The following CTNNA3 variants were observed in gnomAD, a reference collection of about 807,000 sequenced individuals.
The protein encoded by CTNNA3 is catenin alpha-3.
Under a neutral mutation model 95.7 loss-of-function variants are expected in CTNNA3, and 76 were observed. The observed-to-expected ratio is 0.79, with a 90% CI of 0.66 to 0.96. The LOEUF (loss-of-function observed/expected upper bound fraction) is 0.96. CTNNA3 is among the 40% of genes least tolerant of loss of function. The probability of loss-of-function intolerance (pLI) is 0.00; values close to 1 mark genes in which losing one functional copy is unlikely to be tolerated. For missense variants in CTNNA3, 1,191 were observed against 1,089.8 expected (o/e 1.09, Z -1.31); for synonymous variants, 431 against 374.4 (o/e 1.15, Z -1.74).
At position 66,927,888 on chromosome 10, in the gene CTNNA3, A is replaced by T; in HGVS notation, c.1048-152364T>A. The T allele has an allele frequency of 3.1e-6, 5 of 1,614,234 alleles. No homozygotes were observed. Among genetic ancestry groups the T allele is most frequent in the Non-Finnish European group, 4.2e-6 (5 of 1,180,036 alleles). ...GCAGCAGAAATATTTGCTCCCTTGT[A>T]AACTGGCTGAAAAGTTTTAAAGGTC... On this transcript the variant is annotated intron_variant, in intron 7 of 17. Coordinates refer to ENST00000433211, the MANE Select transcript of CTNNA3 (RefSeq NM_013266.4). This position sits in a 1 kb window ranked among gnomAD's most constrained non-coding sequence, Gnocchi z 4.7.
chr10:67,394,101 A>C (rs1225035950), intron 5 of CTNNA3, among the ~76,000 whole-genome samples: 1 of 152,174 alleles, frequency 6.6e-6, no homozygotes, highest in African/African-American at 2.4e-5. Flanking sequence ...GGACTAACTT[A>C]ATTATGAGTA....
intron 1 of CTNNA3, among the ~76,000 whole-genome samples, chr10:67,673,814 T>C (rs1300023223): frequency 3.6e-5 from 5 of 137,866 alleles, no homozygotes; most frequent in African/African-American, 1.3e-4. Context: ...CGTTATTAAC[T>C]TCTTACCTCT....
At position 67,459,215 on chromosome 10, in the gene CTNNA3, C is replaced by T. The variant is rs1348017741; in HGVS notation, c.579+62627G>A. 2.0e-5 allele frequency among the ~76,000 whole-genome samples: 3 copies of T among 152,182 alleles called. No homozygotes were observed. The East Asian group carries it at 5.8e-4, about 29-fold the overall frequency. ...ATATTTTCACCCAAATAATAGAATCCTTTCCCCCAATTAGTATGAGTGTAG... is the reference window on the plus strand; with the variant it reads ...ATATTTTCACCCAAATAATAGAATCTTTTCCCCCAATTAGTATGAGTGTAG... On this transcript the variant is annotated intron_variant, in intron 5 of 17. Transcript: ENST00000433211.
At chr10:67,045,948 CT>C (rs948959094) in intron 7 of CTNNA3, among the ~76,000 whole-genome samples, 1 of 152,130 alleles carries the variant, frequency 6.6e-6, no homozygotes, top group African/African-American at 2.4e-5. Flanking sequence ...GGTCAGATTT[CT>C]TTTTTTCTCT....
intron 5 of CTNNA3, among the ~76,000 whole-genome samples, chr10:67,341,993 T>G (rs1470242133): frequency 9.0e-6 from 1 of 110,888 alleles, no homozygotes; most frequent in African/African-American, 3.2e-5. Context: ...TATGTGTCTT[T>G]TTTTTGCCTC....
At chr10:67,596,097 C>T (rs1842925617) in intron 3 of CTNNA3, among the ~76,000 whole-genome samples, 2 of 152,136 alleles carry the variant, frequency 1.3e-5, no homozygotes, top group Admixed American at 1.3e-4. Context: ...TTCTCTATGC[C>T]TTTTAAGTGG....
chr10:66,347,571 G>A (rs1250814703), intron 12 of CTNNA3, among the ~76,000 whole-genome samples: 1 of 151,832 alleles, frequency 6.6e-6, no homozygotes, highest in African/African-American at 2.4e-5. Flanking sequence ...CTGTGATCCT[G>A]CCACTGTACT....
rs182816347 is a variant in CTNNA3, at chr10:67,304,993, T to C, written c.580-85123A>G. Among the ~76,000 whole-genome samples, 160 of 152,110 alleles carry C rather than the reference T, an allele frequency of 1.1e-3. 1 individual carries two copies. The highest frequency in any genetic ancestry group is 3.7e-3 in the African/African-American group (153 of 41,522). ...AAAGGCATTAGAAAATGTGAGGTAT[T>C]AGGCTGGGTGCGGTGGCTCATGCCT... On this transcript the variant is annotated intron_variant, in intron 5 of 17. Coordinates refer to ENST00000433211, the MANE Select transcript of CTNNA3 (RefSeq NM_013266.4).
At chr10:66,803,962 T>C (rs1841540323) in intron 7 of CTNNA3, among the ~76,000 whole-genome samples, 1 of 143,056 alleles carries the variant, frequency 7.0e-6, no homozygotes, top group Non-Finnish European at 1.6e-5. Flanking sequence ...TGCCAGTTGT[T>C]TTTTTTTTTT....
intron 10 of CTNNA3, among the ~76,000 whole-genome samples, chr10:66,569,196 G>A (rs1842795754): frequency 6.6e-6 from 1 of 152,046 alleles, no homozygotes; most frequent in African/African-American, 2.4e-5. Context: ...ACCATAGGAG[G>A]AGAGAAAGGG....
intron 3 of CTNNA3, among the ~76,000 whole-genome samples, chr10:67,583,419 G>A (rs1564760591): frequency 6.6e-6 from 1 of 152,192 alleles, no homozygotes; most frequent in South Asian, 2.1e-4. Context: ...AGTTTCTGCT[G>A]AGAGATCCAC....
At chr10:67,663,917 C>T (rs1840264102) in intron 1 of CTNNA3, among the ~76,000 whole-genome samples, 1 of 152,118 alleles carries the variant, frequency 6.6e-6, no homozygotes, top group Non-Finnish European at 1.5e-5. Context: ...AGTAGGTGTC[C>T]TGCGAGTATG....
At chr10:66,000,617 T>C (rs1383576887) in intron 15 of CTNNA3, among the ~76,000 whole-genome samples, 2 of 152,150 alleles carry the variant, frequency 1.3e-5, no homozygotes, top group Non-Finnish European at 2.9e-5. Context: ...TTATATAGAA[T>C]AAGTCCCATA....
At chr10:67,146,614 A>G (rs1380018187) in intron 7 of CTNNA3, among the ~76,000 whole-genome samples, 1 of 152,230 alleles carries the variant, frequency 6.6e-6, no homozygotes, top group Non-Finnish European at 1.5e-5. Flanking sequence ...CATTCTGTAT[A>G]AAGGTAAGTA....
intron 9 of CTNNA3, among the ~76,000 whole-genome samples, chr10:66,682,603 T>G (rs907124703): frequency 6.6e-5 from 10 of 151,938 alleles, no homozygotes; most frequent in Non-Finnish European, 1.5e-4. Context: ...ATCTGTGAAT[T>G]CCAGTAAAAT....
At chr10:67,481,330 T>C (rs774757713) in intron 5 of CTNNA3, among the ~76,000 whole-genome samples, 1 of 152,122 alleles carries the variant, frequency 6.6e-6, no homozygotes, top group Admixed American at 6.6e-5. Context: ...AAAAAAAGAA[T>C]TCAAATGATC....
At chr10:66,138,514 G>A (rs1179977114) in intron 13 of CTNNA3, among the ~76,000 whole-genome samples, 1 of 152,054 alleles carries the variant, frequency 6.6e-6, no homozygotes, top group East Asian at 1.9e-4. Context: ...TTGCTCATTT[G>A]ATGATAAAAA....
intron 13 of CTNNA3, among the ~76,000 whole-genome samples, chr10:66,127,933 G>A (rs868572914): frequency 1.3e-5 from 2 of 152,068 alleles, no homozygotes; most frequent in Non-Finnish European, 2.9e-5. Flanking sequence ...TTAGCTGGGC[G>A]TAGTGGCAGA....
intron 12 of CTNNA3, among the ~76,000 whole-genome samples, chr10:66,360,586 G>A (rs1025512895): frequency 2.2e-5 from 3 of 137,300 alleles, no homozygotes; most frequent in Non-Finnish European, 3.3e-5. Context: ...TACCTCTAAT[G>A]TATTCTTTCC....
Sources: gnomAD v4.1 joint callset for allele counts (sites outside exome capture counted in the v4.1 genomes callset) on GRCh38, gnomAD v4.1.1 for gene constraint, Gnocchi (gnomAD v3.1) non-coding constraint, MANE v1.5 for transcripts, NCBI Gene and HGNC (gene_info 2026-07-23, HGNC 2026-07-21) for gene names.